The following AGPAT5 variants were observed in gnomAD, a reference collection of about 807,000 sequenced individuals.
The protein encoded by AGPAT5 is 1-acylglycerol-3-phosphate O-acyltransferase 5.
Under a neutral mutation model 45.6 loss-of-function variants are expected in AGPAT5, and 46 were observed. The ratio of observed to expected loss-of-function variants is 1.01; its 90% CI spans 0.80 to 1.29. The LOEUF is 1.29. Ranked by LOEUF, AGPAT5 falls within the 50% of genes most tolerant of loss-of-function variation. The pLI is 0.00. For missense variants in AGPAT5, 673 were observed against 450.7 expected (o/e 1.49, Z -4.47); for synonymous variants, 272 against 167.0 (o/e 1.63, Z -4.85).
At chr8:6,755,675 A>C (rs925810929) in intron 7 of AGPAT5, among the ~76,000 whole-genome samples, 1 of 152,204 alleles carries the variant, frequency 6.6e-6, no homozygotes, top group Admixed American at 6.5e-5. Context: ...GTGGTTAATT[A>C]TATTCAGAAA....
intron 7 of AGPAT5, among the ~76,000 whole-genome samples, chr8:6,756,814 A>G (rs1321507502): frequency 1.3e-5 from 2 of 152,140 alleles, no homozygotes; most frequent in African/African-American, 2.4e-5. Context: ...TAGGAGCTCC[A>G]TGTAAAAAGG....
intron 1 of AGPAT5, among the ~76,000 whole-genome samples, chr8:6,711,062 A>G (rs538105465): frequency 3.9e-5 from 6 of 152,130 alleles, no homozygotes; most frequent in Admixed American, 1.3e-4. Flanking sequence ...TTATTAATTT[A>G]TATATATTAA....
chr8:6,746,397 A>C (rs1419434870), intron 5 of AGPAT5, among the ~76,000 whole-genome samples: 1 of 152,240 alleles, frequency 6.6e-6, no homozygotes, highest in East Asian at 1.9e-4. Context: ...ATGTTTTAAA[A>C]ATACTAGCTT....
chr8:6,727,739 T>C (rs1232750186), intron 2 of AGPAT5, among the ~76,000 whole-genome samples: 1 of 152,210 alleles, frequency 6.6e-6, no homozygotes, highest in Admixed American at 6.5e-5. Context: ...AGTGTCACTT[T>C]TCTTGTTGAA....
chr8:6,725,718 G>A lies in AGPAT5; in HGVS notation c.289+779G>A, dbSNP rs116170755. Among the ~76,000 whole-genome samples the A allele has an allele frequency of 3.2e-3, 493 of 152,164 alleles. 2 individuals are homozygous for A. The highest frequency in any genetic ancestry group is 0.011 in the African/African-American group (477 of 41,510). On this transcript the variant is annotated intron_variant, in intron 2 of 7. Transcript: ENST00000285518. ...TCAAACCTGTAGCTACTTTTGATGC[G>A]TACTTCCTAAATTGCATTTTTATTA...
intron 5 of AGPAT5, among the ~76,000 whole-genome samples, chr8:6,743,321 C>G (rs1396258934): frequency 6.6e-6 from 1 of 152,194 alleles, no homozygotes; most frequent in Non-Finnish European, 1.5e-5. Context: ...AAAGCTTCCT[C>G]CCCTCCATGT....
At chr8:6,722,259 G>A (rs1262842911) in intron 1 of AGPAT5, among the ~76,000 whole-genome samples, 2 of 152,152 alleles carry the variant, frequency 1.3e-5, no homozygotes, top group East Asian at 3.9e-4. Flanking sequence ...TTAGGGGAAG[G>A]GCAGAGAATT....
chr8:6,757,095 T>A lies in AGPAT5; in HGVS notation c.870-68T>A, dbSNP rs2980693. On this transcript the variant is annotated intron_variant, in intron 7 of 7. Transcript: ENST00000285518. ...ACTTTTCCAGCGTGTAATAGCTACCTGATTGATATTTTTTGAATTGAAATA... is the reference window on the plus strand; with the variant it reads ...ACTTTTCCAGCGTGTAATAGCTACCAGATTGATATTTTTTGAATTGAAATA... 2,298 of 1,211,854 alleles carry A rather than the reference T, an allele frequency of 1.9e-3. 26 individuals are homozygous for A. The African/African-American group carries it at 0.027, about 14-fold the overall frequency. The allele number at this position is 1,211,854 out of a possible 1,614,324, so 75.1% of individuals were successfully genotyped here. A position where few individuals can be genotyped will look rare whatever the true frequency, so the allele number is the denominator to read the frequency against.
At chr8:6,757,040 A>T in intron 7 of AGPAT5, 123 bp from the exon 8 acceptor site, 2 of 686,824 alleles carry the variant, frequency 2.9e-6, no homozygotes, top group Non-Finnish European at 4.9e-6. Context: ...ATGTTTCCGT[A>T]TTCATCCTTA....
At chr8:6,730,640 T>C in intron 2 of AGPAT5, 71 bp from the exon 3 acceptor site, 1 of 875,994 alleles carries the variant, frequency 1.1e-6, no homozygotes, top group Non-Finnish European at 1.8e-6. Flanking sequence ...ATCATAGTAC[T>C]TTTGAAGCCC....
At chr8:6,723,051 T>G in intron 1 of AGPAT5, among the ~76,000 whole-genome samples, 2 of 152,370 alleles carry the variant, frequency 1.3e-5, no homozygotes, top group South Asian at 4.1e-4. Context: ...AGTACTAGAT[T>G]TACAGAATGA....
chr8:6,719,947 C>T (rs970230067), intron 1 of AGPAT5, among the ~76,000 whole-genome samples: 9 of 152,082 alleles, frequency 5.9e-5, no homozygotes, highest in African/African-American at 1.4e-4. Context: ...CAGTGACTCT[C>T]GATTGAAGAG....
intron 6 of AGPAT5, among the ~76,000 whole-genome samples, chr8:6,752,587 G>A (rs781680375): frequency 6.6e-6 from 1 of 152,102 alleles, no homozygotes; most frequent in Non-Finnish European, 1.5e-5. Context: ...TGGTTTTGCA[G>A]CAAGTAGACC....
intron 4 of AGPAT5, among the ~76,000 whole-genome samples, chr8:6,734,233 A>T (rs1800964456): frequency 6.6e-6 from 1 of 150,396 alleles, no homozygotes; most frequent in Non-Finnish European, 1.5e-5. Flanking sequence ...TTTAGTTCTT[A>T]GATGCATTAT....
chr8:6,755,951 C>T lies in AGPAT5; in HGVS notation c.869+777C>T, dbSNP rs186549192. On this transcript the variant is annotated intron_variant, in intron 7 of 7. Coordinates refer to ENST00000285518, the MANE Select transcript of AGPAT5 (RefSeq NM_018361.5). ...CATGGAAGAAATTTAAAAGTAAGAT[C>T]TACATGTATTGACATGAAAATATGT... 6.6e-5 allele frequency among the ~76,000 whole-genome samples: 10 copies of T among 152,240 alleles called. No individual in the cohort carries two copies. In the South Asian group the frequency reaches 1.9e-3, roughly 28 times the overall value.
chr8:6,721,632 A>G (rs1563285810), intron 1 of AGPAT5, among the ~76,000 whole-genome samples: 1 of 152,184 alleles, frequency 6.6e-6, no homozygotes, highest in Non-Finnish European at 1.5e-5. Context: ...AAAATGACAG[A>G]TGAGGATTCA....
chr8:6,751,781 T>C (rs935650358), intron 6 of AGPAT5, among the ~76,000 whole-genome samples: 1 of 152,244 alleles, frequency 6.6e-6, no homozygotes, highest in African/African-American at 2.4e-5. Flanking sequence ...GGACAACCTT[T>C]GGTATTCTAT....
chr8:6,756,186 A>T (rs545703495), intron 7 of AGPAT5, among the ~76,000 whole-genome samples: 2 of 152,160 alleles, frequency 1.3e-5, no homozygotes, highest in Non-Finnish European at 2.9e-5. Context: ...TGGGAAAATG[A>T]GTTAACTATG....
In AGPAT5 at chr8:6,732,747, C is replaced by G. The variant is rs1587029143; in HGVS notation, c.495+97C>G. The stretch of plus-strand genomic sequence containing the variant: ...AAGAATTGTTTTGACAATGTATTTT[C>G]CCATGTGTAATTACTAATTCAGGGT... On this transcript the variant is annotated intron_variant, in intron 4 of 7. Coordinates refer to ENST00000285518, the MANE Select transcript of AGPAT5 (RefSeq NM_018361.5). 5.4e-6 allele frequency: 6 copies of G among 1,107,208 alleles called. No homozygotes were observed. In the East Asian group the frequency reaches 1.4e-4, roughly 25 times the overall value. 68.6% of individuals were successfully genotyped at this position (1,107,208 alleles called of 1,614,324 possible).
Sources: gnomAD v4.1 joint callset for allele counts (sites outside exome capture counted in the v4.1 genomes callset) on GRCh38, gnomAD v4.1.1 for gene constraint, MANE v1.5 for transcripts, NCBI Gene and HGNC (gene_info 2026-07-23, HGNC 2026-07-21) for gene names.